FRMD3: variants seen among roughly 807,000 people sequenced by gnomAD.
FRMD3 encodes the protein FERM domain containing 3.
A neutral mutation model predicts 70.2 loss-of-function variants in FRMD3; 33 were observed. The ratio of observed to expected loss-of-function variants is 0.47; its 90% CI spans 0.36 to 0.63. The LOEUF is 0.63. FRMD3 is among the 20% of genes least tolerant of loss of function. The pLI, the probability that FRMD3 is intolerant of heterozygous loss-of-function variation, is 0.00. For missense variants in FRMD3, 632 were observed against 711.4 expected (o/e 0.89, Z 1.27); for synonymous variants, 279 against 255.9 (o/e 1.09, Z -0.86).
chr9:83,511,824 G>C (rs538163484), intron 1 of FRMD3, among the ~76,000 whole-genome samples: 2 of 152,304 alleles, frequency 1.3e-5, no homozygotes, highest in South Asian at 4.1e-4. Context: ...GGTTGTGGGG[G>C]TGTCTCCAGC....
chr9:83,559,291 T>C, the FRMD3 span, among the ~76,000 whole-genome samples: 7 of 152,212 alleles, frequency 4.6e-5, no homozygotes, highest in African/African-American at 9.6e-5. Flanking sequence ...AGCAAAAAGA[T>C]TATGACTCAC....
chr9:83,546,553 CA>C, the FRMD3 span, among the ~76,000 whole-genome samples: 1 of 152,168 alleles, frequency 6.6e-6, no homozygotes, highest in South Asian at 2.1e-4. Flanking sequence ...CATAAAAACA[CA>C]TAAAAAGTAT....
chr9:83,436,030 T>G (rs1212556395), intron 1 of FRMD3, among the ~76,000 whole-genome samples: 1 of 152,098 alleles, frequency 6.6e-6, no homozygotes, highest in African/African-American at 2.4e-5. Flanking sequence ...TGTTCAGGAA[T>G]CAGAGGCAGG....
At chr9:83,568,955 GATACATACATACATAC>G in the FRMD3 span, among the ~76,000 whole-genome samples, 836 of 130,824 alleles carry the variant, frequency 6.4e-3, 8 homozygotes, top group African/African-American at 0.019. Flanking sequence ...TAGATAGATA[GATACATACATACATAC>G]ATACATACAT....
At chr9:83,479,498 A>C (rs1828483501) in intron 1 of FRMD3, among the ~76,000 whole-genome samples, 1 of 147,974 alleles carries the variant, frequency 6.8e-6, no homozygotes, top group African/African-American at 2.5e-5. Flanking sequence ...ATGGTGGTAC[A>C]TGCCTGTAGT....
intron 13 of FRMD3, among the ~76,000 whole-genome samples, chr9:83,251,560 C>T (rs1832430231): frequency 2.0e-5 from 3 of 152,248 alleles, no homozygotes; most frequent in Admixed American, 6.5e-5. Context: ...TGGGTAATAA[C>T]GAACATCACT....
chr9:83,481,877 T>C (rs146074176), intron 1 of FRMD3, among the ~76,000 whole-genome samples: 1 of 151,930 alleles, frequency 6.6e-6, no homozygotes, highest in Non-Finnish European at 1.5e-5. Flanking sequence ...CAAAGGTACT[T>C]GACCACATAA....
At chr9:83,339,655 A>G (rs1823691585) in intron 5 of FRMD3, among the ~76,000 whole-genome samples, 1 of 152,184 alleles carries the variant, frequency 6.6e-6, no homozygotes, top group Non-Finnish European at 1.5e-5. Flanking sequence ...TTGCTAAGTC[A>G]GGAGCCCTCC....
chr9:83,575,939 C>T, the FRMD3 span, among the ~76,000 whole-genome samples: 1 of 152,010 alleles, frequency 6.6e-6, no homozygotes, highest in Non-Finnish European at 1.5e-5. Flanking sequence ...GCCAGACAAG[C>T]CAGGCACATT....
rs534414050 is a variant in FRMD3, at chr9:83,472,173, G to A, written c.147+65912C>T. 3.9e-5 allele frequency among the ~76,000 whole-genome samples: 6 copies of A among 152,228 alleles called. No homozygotes were observed. The South Asian group carries it at 1.2e-3, about 32-fold the overall frequency. On this transcript the variant is annotated intron_variant, in intron 1 of 13. Transcript: ENST00000304195. ...TAGTAAGCATAGTGCAAAAATAGTG[G>A]TCCATGGTCAAATAAGTATAGGAAA...
At chr9:83,261,102 G>C (rs867466267) in intron 13 of FRMD3, among the ~76,000 whole-genome samples, 2,366 of 133,134 alleles carry the variant, frequency 0.018, 70 homozygotes, top group African/African-American at 0.063. Flanking sequence ...AGGAAACTTA[G>C]ACACACACAC....
intron 13 of FRMD3, among the ~76,000 whole-genome samples, chr9:83,261,100 TAG>T (rs1008358624): frequency 1.5e-4 from 4 of 27,010 alleles, no homozygotes; most frequent in African/African-American, 3.9e-4. Flanking sequence ...AAAGGAAACT[TAG>T]ACACACACAC....
Position 83,272,988 on chromosome 9 carries a change from C to T in FRMD3, c.1195+17615G>A, listed in dbSNP as rs1439698328. Among the ~76,000 whole-genome samples, 4 of 148,260 alleles carry T rather than the reference C, an allele frequency of 2.7e-5. 1 individual carries two copies. The highest frequency in any genetic ancestry group is 7.1e-3 in the Middle Eastern group (2 of 282). ...GTGAGGAGCATCTCCGCCCGGCAGCCGCCCCGTCCGGGAGGGAGGTGGGGG... is the reference window on the plus strand; with the variant it reads ...GTGAGGAGCATCTCCGCCCGGCAGCTGCCCCGTCCGGGAGGGAGGTGGGGG... On this transcript the variant is annotated intron_variant, in intron 13 of 13. Coordinates refer to ENST00000304195, the MANE Select transcript of FRMD3 (RefSeq NM_174938.6).
intron 13 of FRMD3, among the ~76,000 whole-genome samples, chr9:83,275,541 G>A (rs938543699): frequency 6.6e-6 from 1 of 152,196 alleles, no homozygotes; most frequent in Non-Finnish European, 1.5e-5. Context: ...AGGGAAAAGT[G>A]AAGAAGCCAC....
At chr9:83,494,865 G>A (rs563483941) in intron 1 of FRMD3, among the ~76,000 whole-genome samples, 129 of 121,562 alleles carry the variant, frequency 1.1e-3, no homozygotes, top group African/African-American at 2.6e-3. Context: ...GTGTGCGCGC[G>A]CGCATGTGCG....
intron 13 of FRMD3, among the ~76,000 whole-genome samples, chr9:83,262,639 T>A (rs11140000): frequency 0.021 from 3,204 of 152,336 alleles, 112 homozygotes; most frequent in African/African-American, 0.073. Context: ...CTCTACCACA[T>A]ACGCTTCCTC....
intron 6 of FRMD3, among the ~76,000 whole-genome samples, chr9:83,319,120 C>A (rs575966275): frequency 3.9e-5 from 6 of 152,002 alleles, no homozygotes; most frequent in African/African-American, 1.4e-4. Context: ...TTAATTATTT[C>A]TTTTGCTGTG....
At chr9:83,384,270 C>T (rs1825447953) in intron 2 of FRMD3, among the ~76,000 whole-genome samples, 1 of 152,192 alleles carries the variant, frequency 6.6e-6, no homozygotes, top group Non-Finnish European at 1.5e-5. Context: ...CAGGGCAGGG[C>T]TGCCCTAAAT....
chr9:83,490,753 T>C (rs1828798073), intron 1 of FRMD3, among the ~76,000 whole-genome samples: 1 of 148,676 alleles, frequency 6.7e-6, no homozygotes, highest in Admixed American at 6.8e-5. Context: ...AAATCCAGTT[T>C]TTTACTCTCT....
Sources: allele counts gnomAD v4.1 joint callset (sites outside exome capture counted in the v4.1 genomes callset), GRCh38; gene constraint gnomAD v4.1.1; transcripts MANE v1.5; gene names NCBI Gene and HGNC (gene_info 2026-07-23, HGNC 2026-07-21).